CACNB2: variants seen among roughly 807,000 people sequenced by gnomAD.
CACNB2 encodes the protein voltage-dependent L-type calcium channel subunit beta-2.
Under a neutral mutation model 73.3 loss-of-function variants are expected in CACNB2, and 42 were observed. That is an observed-to-expected ratio of 0.57 (90% CI 0.45 to 0.74). The LOEUF (loss-of-function observed/expected upper bound fraction) is 0.74, where lower values mean the gene tolerates loss of function less well. Among genes scored for constraint, CACNB2 ranks in the 30% least tolerant of loss-of-function variants. CACNB2 has a pLI of 0.00. For missense variants in CACNB2, 940 were observed against 853.0 expected (o/e 1.10, Z -1.27); for synonymous variants, 348 against 310.3 (o/e 1.12, Z -1.28).
chr10:18,470,318 A>G (rs2048114697), intron 3 of CACNB2, among the ~76,000 whole-genome samples: 1 of 149,276 alleles, frequency 6.7e-6, no homozygotes, highest in Admixed American at 6.7e-5. Flanking sequence ...TATAATATAT[A>G]TATTGTATAT....
rs552801377 is a variant in CACNB2 at position 18,536,163 on chromosome 10, G to C, written c.1269G>C (p.Met423Ile). Residue 423 changes from methionine to isoleucine, a missense_variant, in exon 12 of 14, where the codon ATG becomes ATC. By Grantham distance (10) the Met-to-Ile change is conservative (BLOSUM62 1). Coordinates refer to ENST00000324631, the MANE Select transcript of CACNB2 (RefSeq NM_201596.3). ...KSQAKHLNVQ[M>I]VAADKLAQCP... ...AAGCTAAACACCTCAACGTCCAGAT[G>C]GTAGCAGCTGATAAACTGGCTCAGT... The C allele has an allele frequency of 1.9e-6, 3 of 1,604,936 alleles. No individual in the cohort carries two copies. Among genetic ancestry groups the C allele is most frequent in the Non-Finnish European group, 2.6e-6 (3 of 1,174,776 alleles).
intron 2 of CACNB2, among the ~76,000 whole-genome samples, chr10:18,311,218 G>C (rs889037254): frequency 8.6e-5 from 13 of 151,994 alleles, no homozygotes; most frequent in Admixed American, 1.3e-4. Context: ...CCAAATATCT[G>C]CTTTTACTTA....
chr10:18,388,099 T>C (rs563461304), intron 2 of CACNB2, among the ~76,000 whole-genome samples: 1 of 152,352 alleles, frequency 6.6e-6, no homozygotes, highest in South Asian at 2.1e-4. Context: ...CTTACCAAAC[T>C]GTCAGGCCAT....
intron 2 of CACNB2, among the ~76,000 whole-genome samples, chr10:18,242,306 A>C (rs954462027): frequency 1.3e-5 from 2 of 152,166 alleles, no homozygotes; most frequent in African/African-American, 4.8e-5. Flanking sequence ...TTAAAGAATT[A>C]GGCCCACACC....
chr10:18,346,962 T>C (rs753023471), intron 2 of CACNB2, among the ~76,000 whole-genome samples: 3 of 152,126 alleles, frequency 2.0e-5, no homozygotes, highest in Non-Finnish European at 4.4e-5. Flanking sequence ...TCTAAGATCC[T>C]TAATTGTGCT....
chr10:18,531,433 T>G (rs1216490188), intron 10 of CACNB2, among the ~76,000 whole-genome samples: 2 of 152,178 alleles, frequency 1.3e-5, no homozygotes, highest in African/African-American at 4.8e-5. Context: ...TTAGGTTGAT[T>G]CCACATCTTT....
intron 3 of CACNB2, among the ~76,000 whole-genome samples, chr10:18,418,583 C>T (rs1241785300): frequency 6.6e-6 from 1 of 152,144 alleles, no homozygotes; most frequent in Non-Finnish European, 1.5e-5. Context: ...GAGTCTTGGC[C>T]AATCCCAGCG....
chr10:18,216,726 C>T (rs1050589872), intron 2 of CACNB2, among the ~76,000 whole-genome samples: 6 of 152,218 alleles, frequency 3.9e-5, no homozygotes, highest in Admixed American at 1.3e-4. Flanking sequence ...CATAACCCCT[C>T]ATGGCTTTTA....
chr10:18,476,054 T>A (rs2048423985), intron 3 of CACNB2, among the ~76,000 whole-genome samples: 1 of 152,218 alleles, frequency 6.6e-6, no homozygotes, highest in African/African-American at 2.4e-5. Context: ...CTGAATATAC[T>A]TATAGTTATT....
chr10:18,398,376 ATT>A (rs2043817963), intron 2 of CACNB2, among the ~76,000 whole-genome samples: 1 of 152,056 alleles, frequency 6.6e-6, no homozygotes, highest in African/African-American at 2.4e-5. Flanking sequence ...AACGAAAAAT[ATT>A]TTGAGGCTGG....
intron 2 of CACNB2, among the ~76,000 whole-genome samples, chr10:18,313,678 T>G (rs930192986): frequency 6.6e-6 from 1 of 152,152 alleles, no homozygotes; most frequent in South Asian, 2.1e-4. Context: ...AATCAATCTA[T>G]TAAGGGGAAA....
rs74935517 is a variant in CACNB2, at chr10:18,204,205, A to G, written c.213+53230A>G. Among the ~76,000 whole-genome samples the G allele has an allele frequency of 9.4e-3, 1,437 of 152,324 alleles. 26 individuals carry two copies. The highest frequency in any genetic ancestry group is 0.033 in the African/African-American group (1,383 of 41,580). On this transcript the variant is annotated intron_variant, in intron 2 of 13. Coordinates refer to ENST00000324631, the MANE Select transcript of CACNB2 (RefSeq NM_201596.3). ...TTGCTATAGAAACCAAACCTTTTTC[A>G]TCAATCTCTCCCTGTTGCTATGGTG...
intron 2 of CACNB2, among the ~76,000 whole-genome samples, chr10:18,174,781 G>T (rs1335275493): frequency 6.6e-6 from 1 of 152,182 alleles, no homozygotes; most frequent in Non-Finnish European, 1.5e-5. Context: ...TGTGCCAGAT[G>T]TCTGTTCTAA....
In CACNB2 at chr10:18,220,237, A is replaced by AGGGTGG. The variant is rs1564353990; in HGVS notation, c.213+69263_213+69264insGGTGGG. Among the ~76,000 whole-genome samples, 25 of 48,440 alleles carry AGGGTGG rather than the reference A, an allele frequency of 5.2e-4. 1 individual carries two copies. The highest frequency in any genetic ancestry group is 1.9e-3 in the East Asian group (2 of 1,070). 31.8% of individuals were successfully genotyped at this position (48,440 alleles called of 152,430 possible). A position where few individuals can be genotyped will look rare whatever the true frequency, so the allele number is the denominator to read the frequency against. Reference sequence around the variant, plus strand: ...TATATATATATATATATATATAGAGAGAGAGAGAGAGAGAGAGAGAGAGAG... The same window carrying AGGGTGG: ...TATATATATATATATATATATAGAGAGGGTGGGAGAGAGAGAGAGAGAGAGAGAGAG... On this transcript the variant is annotated intron_variant, in intron 2 of 13. Coordinates refer to ENST00000324631, the MANE Select transcript of CACNB2 (RefSeq NM_201596.3).
chr10:18,437,294 G>C (rs1481688396), intron 3 of CACNB2, among the ~76,000 whole-genome samples: 1 of 152,166 alleles, frequency 6.6e-6, no homozygotes, highest in African/African-American at 2.4e-5. Flanking sequence ...AGGATGTGGA[G>C]AGAGGGATAC....
chr10:18,341,006 AT>A (rs1446086057), intron 2 of CACNB2: 2 of 1,611,348 alleles, frequency 1.2e-6, no homozygotes. Flanking sequence ...AGCCGGCCAG[AT>A]GCACGGTGCG....
At position 18,536,289 on chromosome 10, in the gene CACNB2, G is replaced by C. The variant is rs571097733; in HGVS notation, c.1302+93G>C. On this transcript the variant is annotated intron_variant, in intron 12 of 13. Transcript: ENST00000324631. The stretch of plus-strand genomic sequence containing the variant: ...TTTTTTTTTTGGGGGACAAGGTCTT[G>C]CTCTGTTGCCCATGTTGGGAGTGCA... 9.0e-5 allele frequency: 53 copies of C among 591,318 alleles called. 5 individuals are homozygous for C. In the Middle Eastern group the frequency reaches 1.1e-3, roughly 13 times the overall value. The allele number at this position is 591,318 out of a possible 1,614,324, so 36.6% of individuals were successfully genotyped here. A position where few individuals can be genotyped will look rare whatever the true frequency, so the allele number is the denominator to read the frequency against.
chr10:18,464,418 T>TTAA lies in CACNB2; in HGVS notation c.334-33937_334-33936insTAA, dbSNP rs1360690647. Among the ~76,000 whole-genome samples, 29 of 85,298 alleles carry TTAA rather than the reference T, an allele frequency of 3.4e-4. 1 individual carries two copies. The highest frequency in any genetic ancestry group is 6.9e-3 in the Middle Eastern group (1 of 144). The allele number at this position is 85,298 out of a possible 152,430, so 56.0% of individuals were successfully genotyped here. On this transcript the variant is annotated intron_variant, in intron 3 of 13. Transcript: ENST00000324631. ...CAGAGTGAGACCCTGTCTCAAAAATTAAAAAAAAAAAAAAAAAAAAAAGAA... is the reference window on the plus strand; with the variant it reads ...CAGAGTGAGACCCTGTCTCAAAAATTTAAAAAAAAAAAAAAAAAAAAAAAAGAA...
rs780167657 is a variant in CACNB2, at chr10:18,514,322, G to C, written c.757G>C (p.Val253Leu). Residue 253 changes from valine (V) to leucine (L), a missense_variant, in exon 7 of 14, where the codon GTA (valine) becomes CTA (leucine). Val to Leu is a conservative substitution (Grantham distance 32). Coordinates refer to ENST00000324631, the MANE Select transcript of CACNB2 (RefSeq NM_201596.3). ...HRSPKPSANS[V>L]TSPHSKEKRM... ...CTCCCCTAAACCCAGTGCAAACAGT[G>C]TAACGTCACCCCACTCCAAAGAGAA... 6.2e-7 allele frequency: 1 copy of C among 1,614,128 alleles called. No homozygotes were observed. Among genetic ancestry groups the C allele is most frequent in the Non-Finnish European group, 8.5e-7 (1 of 1,180,008 alleles).
Sources: gnomAD v4.1 joint callset for allele counts (sites outside exome capture counted in the v4.1 genomes callset) on GRCh38, gnomAD v4.1.1 for gene constraint, MANE v1.5 for transcripts, NCBI Gene and HGNC (gene_info 2026-07-23, HGNC 2026-07-21) for gene names.